The following RDX variants were observed in gnomAD, a reference collection of about 807,000 sequenced individuals.
RDX encodes radixin, also known as deafness, autosomal recessive 24.
A neutral mutation model predicts 83.7 loss-of-function variants in RDX; 32 were observed. That is an observed-to-expected ratio of 0.38 (90% CI 0.29 to 0.51). The LOEUF (loss-of-function observed/expected upper bound fraction) is 0.51. Among genes scored for constraint, RDX ranks in the 20% least tolerant of loss-of-function variants. The pLI is 0.87. For synonymous variants in RDX, 229 were observed against 222.7 expected (o/e 1.03, Z -0.25); for missense variants, 600 against 689.9 (o/e 0.87, Z 1.46).
intron 14 of RDX, among the ~76,000 whole-genome samples, chr11:110,201,117 G>A (rs1219167896): frequency 2.7e-5 from 4 of 149,648 alleles, no homozygotes; most frequent in Non-Finnish European, 5.9e-5. Flanking sequence ...TGGAGGTTAC[G>A]GTGAGCCAAG....
At chr11:110,235,065 G>A (rs947752316) in intron 12 of RDX, among the ~76,000 whole-genome samples, 2 of 151,972 alleles carry the variant, frequency 1.3e-5, no homozygotes, top group Admixed American at 6.6e-5. Flanking sequence ...TAGAAATCTC[G>A]GTGTCAGCTG....
chr11:110,260,495 G>A (rs1859757808), intron 5 of RDX, among the ~76,000 whole-genome samples: 1 of 152,124 alleles, frequency 6.6e-6, no homozygotes, highest in African/African-American at 2.4e-5. Flanking sequence ...AGGCTGGAGT[G>A]CAGTGGCGCC....
At chr11:110,251,980 C>T (rs1859358706) in intron 9 of RDX, among the ~76,000 whole-genome samples, 1 of 152,154 alleles carries the variant, frequency 6.6e-6, no homozygotes, top group Non-Finnish European at 1.5e-5. Context: ...GGTATATCTG[C>T]TGGCTACTTT....
At chr11:110,181,686 G>A (rs542280735) in intron 15 of RDX, 47 of 152,614 alleles carry the variant, frequency 3.1e-4, no homozygotes, top group Admixed American at 7.2e-4. Flanking sequence ...ATGGACAAAG[G>A]CAAGTACCAG....
intron 7 of RDX, among the ~76,000 whole-genome samples, chr11:110,256,248 T>C (rs1351916793): frequency 6.6e-6 from 1 of 152,120 alleles, no homozygotes; most frequent in East Asian, 1.9e-4. Flanking sequence ...TTTACCTATT[T>C]ATATTCCTTT....
chr11:110,255,026 T>C (rs1428584347), intron 8 of RDX, among the ~76,000 whole-genome samples: 1 of 152,196 alleles, frequency 6.6e-6, no homozygotes, highest in African/African-American at 2.4e-5. Context: ...AATGGTGTTT[T>C]CATTAGCCTC....
intron 15 of RDX, among the ~76,000 whole-genome samples, chr11:110,190,868 A>AT (rs1863089003): frequency 1.3e-5 from 2 of 152,238 alleles, no homozygotes; most frequent in African/African-American, 4.8e-5. Context: ...TTGGATGCAC[A>AT]TAACCTCCCA....
chr11:110,267,461 C>A (rs561436840), intron 3 of RDX, among the ~76,000 whole-genome samples: 1 of 149,534 alleles, frequency 6.7e-6, no homozygotes, highest in Non-Finnish European at 1.5e-5. Flanking sequence ...TGCAGTGAGC[C>A]GAGTTCGCGC....
intron 14 of RDX, among the ~76,000 whole-genome samples, chr11:110,223,252 C>G (rs1043868941): frequency 2.6e-5 from 4 of 152,068 alleles, no homozygotes; most frequent in Non-Finnish European, 5.9e-5. Context: ...CTCAGGGAGG[C>G]TGAGGCAGAA....
chr11:110,255,422 G>A (rs751864700), intron 7 of RDX, 37 bp from the exon 8 acceptor site: 21 of 1,068,754 alleles, frequency 2.0e-5, no homozygotes, highest in Non-Finnish European at 2.6e-5. Flanking sequence ...TTAAAGGCAG[G>A]AAACAATGAA....
At chr11:110,292,081 T>C (rs1247020570) in intron 1 of RDX, among the ~76,000 whole-genome samples, 2 of 151,996 alleles carry the variant, frequency 1.3e-5, no homozygotes, top group Admixed American at 1.3e-4. Flanking sequence ...TCACTTGAGG[T>C]CAGGAGTTTG....
At chr11:110,208,920 C>T (rs1235026657) in intron 14 of RDX, among the ~76,000 whole-genome samples, 7 of 152,218 alleles carry the variant, frequency 4.6e-5, no homozygotes, top group Admixed American at 3.3e-4. Flanking sequence ...CACGTCATTA[C>T]ACTCTAGCCT....
At chr11:110,193,547 GAAT>G (rs1565284203) in intron 15 of RDX, among the ~76,000 whole-genome samples, 1 of 41,856 alleles carries the variant, frequency 2.4e-5, no homozygotes. Flanking sequence ...AAACAAAATA[GAAT>G]AAACTATTTT....
chr11:110,263,868 C>CAA (rs36094903), intron 5 of RDX, 92 bp downstream of exon 5: 37,061 of 975,844 alleles, frequency 0.038, 1 homozygote, highest in Non-Finnish European at 0.043. Flanking sequence ...ACCCTGTCTC[C>CAA]AAAAAAAAAA....
intron 10 of RDX, 78 bp downstream of exon 10, chr11:110,247,625 G>C (rs965138173): frequency 7.0e-7 from 1 of 1,433,574 alleles, no homozygotes; most frequent in African/African-American, 1.4e-5. Flanking sequence ...TAAGGTTTAA[G>C]AGTACTAAAA....
At chr11:110,192,402 A>G (rs1251755553) in intron 15 of RDX, among the ~76,000 whole-genome samples, 1 of 152,226 alleles carries the variant, frequency 6.6e-6, no homozygotes, top group East Asian at 1.9e-4. Flanking sequence ...TGGATTAAAG[A>G]TTTAAATGTA....
chr11:110,192,192 C>T (rs1591501349), intron 15 of RDX, among the ~76,000 whole-genome samples: 2 of 152,268 alleles, frequency 1.3e-5, no homozygotes, highest in South Asian at 4.1e-4. Flanking sequence ...AACAGACACA[C>T]AGACCAATGG....
At chr11:110,201,584 T>A (rs536186049) in intron 14 of RDX, among the ~76,000 whole-genome samples, 1 of 152,042 alleles carries the variant, frequency 6.6e-6, no homozygotes, top group South Asian at 2.1e-4. Context: ...GTAGTGAGGG[T>A]GAGATACATA....
At position 110,231,177 on chromosome 11, in the gene RDX, C is replaced by A. The variant is rs2134295909; in HGVS notation, c.*692G>T. 6.6e-6 allele frequency: 1 copy of A among 152,452 alleles called. No homozygotes were observed. The highest frequency in any genetic ancestry group is 1.9e-4 in the East Asian group (1 of 5,192). 9.4% of individuals were successfully genotyped at this position (152,452 alleles called of 1,614,324 possible). A position where few individuals can be genotyped will look rare whatever the true frequency, so the allele number is the denominator to read the frequency against. ...GGATCACAGGAGATAAAACACCAAT[C>A]AGTGTAAGCTGTTAAAGATGACTGT... On this transcript the variant is annotated 3_prime_UTR_variant, in exon 14 of 14. Transcript: ENST00000645495.
Sources: allele counts gnomAD v4.1 joint callset (sites outside exome capture counted in the v4.1 genomes callset), GRCh38; gene constraint gnomAD v4.1.1; transcripts MANE v1.5; gene names NCBI Gene and HGNC (gene_info 2026-07-23, HGNC 2026-07-21).